The following RIMS1 variants were observed in gnomAD, a reference collection of about 807,000 sequenced individuals.
The protein encoded by RIMS1 is regulating synaptic membrane exocytosis protein 1.
A neutral mutation model predicts 214.1 loss-of-function variants in RIMS1; 83 were observed. The observed-to-expected ratio is 0.39, with a 90% CI of 0.32 to 0.47. The LOEUF (loss-of-function observed/expected upper bound fraction) is 0.47, where lower values mean the gene tolerates loss of function less well. Among genes scored for constraint, RIMS1 ranks in the 20% least tolerant of loss-of-function variants. RIMS1 has a pLI of 0.99. For missense variants in RIMS1, 2,050 were observed against 2,161.8 expected (o/e 0.95, Z 1.03); for synonymous variants, 793 against 786.8 (o/e 1.01, Z -0.13).
intron 2 of RIMS1, among the ~76,000 whole-genome samples, chr6:72,048,383 T>G (rs1310348210): frequency 6.6e-6 from 1 of 152,210 alleles, no homozygotes; most frequent in Non-Finnish European, 1.5e-5. Flanking sequence ...TGGCTAACAC[T>G]GTGGCCTTCT....
At chr6:72,012,233 A>G (rs893634934) in intron 2 of RIMS1, among the ~76,000 whole-genome samples, 22 of 152,146 alleles carry the variant, frequency 1.4e-4, no homozygotes, top group African/African-American at 5.3e-4. Context: ...CACAAGGACA[A>G]AAAACCAAAC....
intron 1 of RIMS1, among the ~76,000 whole-genome samples, chr6:71,962,260 T>C (rs749501008): frequency 3.3e-5 from 5 of 152,214 alleles, no homozygotes; most frequent in Non-Finnish European, 7.3e-5. Context: ...TTAATCTTTG[T>C]AGTGAATCTT....
chr6:72,243,518 CAT>C (rs758205481), intron 10 of RIMS1, among the ~76,000 whole-genome samples: 2 of 151,770 alleles, frequency 1.3e-5, no homozygotes, highest in East Asian at 1.9e-4. Context: ...TTTTACATGA[CAT>C]ATGTTCTAGT....
At chr6:71,977,291 G>A (rs562523705) in intron 2 of RIMS1, among the ~76,000 whole-genome samples, 15 of 152,264 alleles carry the variant, frequency 9.9e-5, no homozygotes, top group African/African-American at 3.4e-4. Context: ...TGAGAAGATA[G>A]CGTTAAAAGG....
intron 2 of RIMS1, among the ~76,000 whole-genome samples, chr6:72,038,550 C>G (rs776190556): frequency 3.3e-5 from 5 of 151,976 alleles, no homozygotes; most frequent in Admixed American, 6.6e-5. Flanking sequence ...CATTTATAAG[C>G]TCATATTGAA....
At chr6:71,892,685 A>T (rs1004747491) in intron 1 of RIMS1, among the ~76,000 whole-genome samples, 2 of 152,162 alleles carry the variant, frequency 1.3e-5, no homozygotes, top group Admixed American at 1.3e-4. Flanking sequence ...AATTTTATTT[A>T]TTAAATAGGC....
intron 24 of RIMS1, among the ~76,000 whole-genome samples, chr6:72,287,036 A>C (rs1161969206): frequency 6.6e-6 from 1 of 152,196 alleles, no homozygotes; most frequent in Admixed American, 6.5e-5. Flanking sequence ...TGATAAGATA[A>C]AAGTCTAGCT....
intron 2 of RIMS1, among the ~76,000 whole-genome samples, chr6:72,027,678 T>C (rs1455537640): frequency 6.6e-6 from 1 of 152,058 alleles, no homozygotes; most frequent in Non-Finnish European, 1.5e-5. Context: ...GCCTCTTTCA[T>C]AGATAGCTTC....
At chr6:71,924,565 C>T (rs1036899125) in intron 1 of RIMS1, among the ~76,000 whole-genome samples, 4 of 148,870 alleles carry the variant, frequency 2.7e-5, no homozygotes, top group African/African-American at 7.6e-5. Flanking sequence ...AGGCAAAGAC[C>T]GACTGATTGC....
chr6:71,991,102 A>G (rs1438666515), intron 2 of RIMS1, among the ~76,000 whole-genome samples: 1 of 152,204 alleles, frequency 6.6e-6, no homozygotes, highest in Non-Finnish European at 1.5e-5. Flanking sequence ...CAAAATTACC[A>G]GCCTCAGCTA....
chr6:72,030,548 A>G (rs1817790722), intron 2 of RIMS1, among the ~76,000 whole-genome samples: 1 of 152,160 alleles, frequency 6.6e-6, no homozygotes, highest in Admixed American at 6.6e-5. Flanking sequence ...GTCATAGGCC[A>G]TCATTTATTT....
intron 2 of RIMS1, among the ~76,000 whole-genome samples, chr6:71,970,862 A>G (rs1284344451): frequency 6.6e-6 from 1 of 152,200 alleles, no homozygotes; most frequent in Non-Finnish European, 1.5e-5. Flanking sequence ...ATAGCCACAT[A>G]AATCCCTTTT....
At chr6:72,247,468 G>C (rs1387572435) in intron 11 of RIMS1, among the ~76,000 whole-genome samples, 1 of 150,564 alleles carries the variant, frequency 6.6e-6, no homozygotes, top group Non-Finnish European at 1.5e-5. Flanking sequence ...CTGCGAGGTG[G>C]AGGTTGCGGT....
chr6:72,250,234 A>G (rs1474162339), intron 12 of RIMS1, 96 bp from the exon 13 acceptor site: 3 of 1,182,722 alleles, frequency 2.5e-6, no homozygotes, highest in African/African-American at 3.1e-5. Context: ...TTGTAATTCA[A>G]AATTTCCTCA....
At chr6:72,336,769 C>G (rs2096858017) in intron 29 of RIMS1, among the ~76,000 whole-genome samples, 1 of 151,662 alleles carries the variant, frequency 6.6e-6, no homozygotes, top group African/African-American at 2.4e-5. Context: ...TGTTGATAAC[C>G]CTCAATTATC....
Position 72,097,139 on chromosome 6 carries a change from C to T in RIMS1, c.436C>T (p.Arg146Cys), listed in dbSNP as rs1244940591. 14 of 1,613,726 alleles carry T rather than the reference C, an allele frequency of 8.7e-6. No homozygotes were observed. Among genetic ancestry groups the T allele is most frequent in the Non-Finnish European group, 1.2e-5 (14 of 1,179,858 alleles). ...TAAGTTCTGTGCGCGCTGCGGAGGC[C>T]GCGTGTCTCTACGGTCAAACAACGT... ...RTKFCARCGG[R>C]VSLRSNNEDK... Residue 146 changes from arginine to cysteine, a missense_variant, in exon 3 of 34, where the codon CGC becomes TGC. This residue lies in a region of RIMS1 where 882 missense variants were observed against 828.9 expected (regional missense o/e 1.06). Coordinates refer to ENST00000521978, the MANE Select transcript of RIMS1 (RefSeq NM_014989.7).
chr6:71,928,973 T>C (rs1183854961), intron 1 of RIMS1, among the ~76,000 whole-genome samples: 3 of 152,152 alleles, frequency 2.0e-5, no homozygotes. Flanking sequence ...AGGAATTTAC[T>C]ATATGTCAAA....
intron 2 of RIMS1, among the ~76,000 whole-genome samples, chr6:72,027,318 G>T (rs1375103298): frequency 6.6e-6 from 1 of 152,014 alleles, no homozygotes; most frequent in East Asian, 1.9e-4. Context: ...CCCTGTGGCT[G>T]GGGCAAACAA....
At chr6:71,916,193 A>G (rs115912258) in intron 1 of RIMS1, among the ~76,000 whole-genome samples, 3,184 of 152,248 alleles carry the variant, frequency 0.021, 97 homozygotes, top group African/African-American at 0.071. Flanking sequence ...GGAATTTCTC[A>G]CTTCCAATGT....
Sources: allele counts gnomAD v4.1 joint callset (sites outside exome capture counted in the v4.1 genomes callset), GRCh38; gene constraint gnomAD v4.1.1; regional missense constraint gnomAD v4.1.1; transcripts MANE v1.5; gene names NCBI Gene and HGNC (gene_info 2026-07-23, HGNC 2026-07-21).